CLEC17A: variants seen among roughly 807,000 people sequenced by gnomAD.
CLEC17A encodes the protein C-type lectin domain family 17, member A.
In CLEC17A, 37 loss-of-function variants were observed where a neutral mutation model predicts 61.3. That is an observed-to-expected ratio of 0.60 (90% CI 0.46 to 0.79). The LOEUF (loss-of-function observed/expected upper bound fraction) is 0.79. Among genes scored for constraint, CLEC17A ranks in the 30% least tolerant of loss-of-function variants. The probability of loss-of-function intolerance (pLI) is 0.00; values close to 1 mark genes in which losing one functional copy is unlikely to be tolerated. For synonymous variants in CLEC17A, 168 were observed against 164.9 expected (o/e 1.02, Z -0.14); for missense variants, 418 against 464.7 (o/e 0.90, Z 0.92).
rs1188371458 is a variant in CLEC17A at position 14,600,258 on chromosome 19, C to A, written c.894+76C>A. On this transcript the variant is annotated intron_variant, in intron 12 of 13. Coordinates refer to ENST00000417570, the MANE Select transcript of CLEC17A (RefSeq NM_001204118.2). Reference sequence around the variant, plus strand: ...TCTTCCAGGATGCACACATCCCTCCCTTCCCTGGATGGCAAGAAATTAGAA... The same window carrying A: ...TCTTCCAGGATGCACACATCCCTCCATTCCCTGGATGGCAAGAAATTAGAA... 4.6e-6 allele frequency: 7 copies of A among 1,528,860 alleles called. 1 individual carries two copies. The African/African-American group carries it at 9.7e-5, about 21-fold the overall frequency. 94.7% of individuals were successfully genotyped at this position (1,528,860 alleles called of 1,614,324 possible).
At position 14,599,897 on chromosome 19, in the gene CLEC17A, T is replaced by G. The variant is rs940297641; in HGVS notation, c.742+85T>G. 4.0e-6 allele frequency: 6 copies of G among 1,488,316 alleles called. No homozygotes were observed. In the African/African-American group the frequency reaches 8.3e-5, roughly 20 times the overall value. The allele number at this position is 1,488,316 out of a possible 1,614,324, so 92.2% of individuals were successfully genotyped here. A position where few individuals can be genotyped will look rare whatever the true frequency, so the allele number is the denominator to read the frequency against. ...ATCACTCCATTGAAGTCATTCTCAG[T>G]GCAGTCTATGTGAATGGTGCCCCTC... On this transcript the variant is annotated intron_variant, in intron 11 of 13. Transcript: ENST00000417570.
intron 8 of CLEC17A, among the ~76,000 whole-genome samples, 157 bp from the exon 9 acceptor site, chr19:14,596,719 G>A (rs528001087): frequency 1.3e-5 from 2 of 152,234 alleles, no homozygotes; most frequent in South Asian, 4.1e-4. Flanking sequence ...GCCTCCCCAG[G>A]GTTCACTCTC....
chr19:14,586,020 T>C (rs1333014075), intron 2 of CLEC17A, among the ~76,000 whole-genome samples: 1 of 152,196 alleles, frequency 6.6e-6, no homozygotes, highest in African/African-American at 2.4e-5. Flanking sequence ...ATGACCTCTC[T>C]ACATTAGCTT....
chr19:14,592,438 C>T (rs2074443355), intron 4 of CLEC17A, 80 bp downstream of exon 4: 1 of 1,585,130 alleles, frequency 6.3e-7, no homozygotes, highest in South Asian at 1.1e-5. Context: ...GCATTGTAGA[C>T]ACACAGTCAG....
At position 14,595,118 on chromosome 19, in the gene CLEC17A, C is replaced by A. The variant is rs574067181; in HGVS notation, c.404-156C>A. Among the ~76,000 whole-genome samples, 3 of 152,318 alleles carry A rather than the reference C, an allele frequency of 2.0e-5. No individual in the cohort carries two copies. In the East Asian group the frequency reaches 5.8e-4, roughly 29 times the overall value. On this transcript the variant is annotated intron_variant, in intron 7 of 13. Transcript: ENST00000417570. ...AACTCCTGACCTCAGGTGATCCACC[C>A]GCCTCAGCCTCCGACAGTGCTGGAA...
intron 4 of CLEC17A, among the ~76,000 whole-genome samples, chr19:14,593,478 C>T (rs1022215084): frequency 6.6e-6 from 1 of 151,810 alleles, no homozygotes; most frequent in African/African-American, 2.4e-5. Context: ...AAACCCCCAG[C>T]TATATGAAAA....
chr19:14,587,263 T>TGTGTGTG (rs71733825), intron 2 of CLEC17A, among the ~76,000 whole-genome samples: 4,627 of 136,328 alleles, frequency 0.034, 105 homozygotes, highest in South Asian at 0.058. Context: ...GTGTGTGTGT[T>TGTGTGTG]TGTGTTTGTG....
chr19:14,584,196 T>C (rs2146657878), intron 2 of CLEC17A: 1 of 152,134 alleles, frequency 6.6e-6, no homozygotes, highest in South Asian at 2.1e-4. Context: ...AACTAGGCGA[T>C]CGGGCGTCTG....
intron 12 of CLEC17A, among the ~76,000 whole-genome samples, chr19:14,600,757 T>C (rs961399066): frequency 1.3e-5 from 2 of 151,618 alleles, no homozygotes; most frequent in African/African-American, 2.4e-5. Flanking sequence ...AATTTTGTTT[T>C]TGTATTTTTA....
chr19:14,608,628 A>ATTT (rs71166765), intron 13 of CLEC17A, among the ~76,000 whole-genome samples: 54 of 119,706 alleles, frequency 4.5e-4, no homozygotes, highest in Non-Finnish European at 5.3e-4. Flanking sequence ...ATGAGGAAGA[A>ATTT]TTTTTTTTTT....
In CLEC17A at chr19:14,591,556, CT is replaced by C. The variant is rs143983644; in HGVS notation, c.200-710del. 1.7e-3 allele frequency among the ~76,000 whole-genome samples: 226 copies of C among 136,758 alleles called. 2 individuals are homozygous for C. The South Asian group carries it at 0.018, about 11-fold the overall frequency. 89.7% of individuals were successfully genotyped at this position (136,758 alleles called of 152,430 possible). ...GCTATTGTCATTGTTTCTCCTTCCT[CT>C]TTTTTTTTTTTTTTGAGACAGAATC... On this transcript the variant is annotated intron_variant, in intron 3 of 13. Transcript: ENST00000417570.
Position 14,592,295 on chromosome 19 carries a change from G to C in CLEC17A, c.214G>C (p.Glu72Gln), listed in dbSNP as rs967125043. ...LPPKPGTMEE[E>Q]EEDDDYENST... The stretch of plus-strand genomic sequence containing the variant: ...TCCCCTGGAAGGGACCATGGAGGAG[G>C]AGGAGGAGGATGATGACTATGAGAA... The change falls in exon 4 of 14, where the codon GAG becomes CAG. Residue 72 changes from glutamate (E) to glutamine (Q), a missense_variant. Coordinates refer to ENST00000417570, the MANE Select transcript of CLEC17A (RefSeq NM_001204118.2). The C allele has an allele frequency of 6.3e-7, 1 of 1,599,446 alleles. No homozygotes were observed. The highest frequency in any genetic ancestry group is 8.5e-7 in the Non-Finnish European group (1 of 1,173,218).
At chr19:14,607,553 A>ATTT in intron 13 of CLEC17A, among the ~76,000 whole-genome samples, 1 of 93,572 alleles carries the variant, frequency 1.1e-5, no homozygotes, top group African/African-American at 3.1e-5. Context: ...TTATTTTATT[A>ATTT]TTTATTTATT....
At position 14,611,723 on chromosome 19, in the gene CLEC17A, C is replaced by T. The variant is rs1201251792; in HGVS notation, c.*1527C>T. 9.9e-5 allele frequency among the ~76,000 whole-genome samples: 15 copies of T among 152,100 alleles called. No homozygotes were observed. Among genetic ancestry groups the T allele is most frequent in the Admixed American group, 7.9e-4 (12 of 15,254 alleles). Reference sequence around the variant, plus strand: ...TGATGATATAATTCACTTTACTTGCCAGGCACAGTGGCTCACGCCTGTAAT... The same window carrying T: ...TGATGATATAATTCACTTTACTTGCTAGGCACAGTGGCTCACGCCTGTAAT... On this transcript the variant is annotated 3_prime_UTR_variant, in exon 14 of 14. Coordinates refer to ENST00000417570, the MANE Select transcript of CLEC17A (RefSeq NM_001204118.2).
rs1568466178 is a variant in CLEC17A at position 14,610,393 on chromosome 19, G to C, written c.*197G>C. ...AGAGTGAGGACTTGGGCTTGCCCTA[G>C]TAGATGGTGAGCTGGGAGGATGCTC... On this transcript the variant is annotated 3_prime_UTR_variant, in exon 14 of 14. Coordinates refer to ENST00000417570, the MANE Select transcript of CLEC17A (RefSeq NM_001204118.2). The C allele has an allele frequency of 1.5e-6, 1 of 666,366 alleles. No individual in the cohort carries two copies. The allele number at this position is 666,366 out of a possible 1,614,324, so 41.3% of individuals were successfully genotyped here.
Position 14,583,099 on chromosome 19 carries a change from AG to A in CLEC17A, c.-61del. ...GAGAGCCCCCAGACGCCTGAGTCGG[AG>A]AGACAGGGGGCAGAGGTTGCCAAGC... On this transcript the variant is annotated 5_prime_UTR_variant, in exon 1 of 14. Coordinates refer to ENST00000417570, the MANE Select transcript of CLEC17A (RefSeq NM_001204118.2). 3.2e-6 allele frequency: 5 copies of A among 1,586,028 alleles called. No individual in the cohort carries two copies. The highest frequency in any genetic ancestry group is 4.3e-6 in the Non-Finnish European group (5 of 1,156,726).
chr19:14,593,279 G>A (rs781047565), intron 4 of CLEC17A, among the ~76,000 whole-genome samples: 4 of 148,144 alleles, frequency 2.7e-5, no homozygotes, highest in Non-Finnish European at 5.9e-5. Context: ...GTTCACTGGA[G>A]GCCAGGAGTT....
intron 13 of CLEC17A, among the ~76,000 whole-genome samples, chr19:14,609,811 C>T (rs1194655433): frequency 1.3e-5 from 2 of 150,676 alleles, no homozygotes; most frequent in South Asian, 2.1e-4. Flanking sequence ...GCACTCCAGC[C>T]TCAGCGACAG....
Position 14,611,303 on chromosome 19 carries a change from G to C in CLEC17A, c.*1107G>C, listed in dbSNP as rs561868146. On this transcript the variant is annotated 3_prime_UTR_variant, in exon 14 of 14. Coordinates refer to ENST00000417570, the MANE Select transcript of CLEC17A (RefSeq NM_001204118.2). ...CAGCAACTTTCTCAATGTCTTGGGT[G>C]AGGTTTGCACAAGCTAAGTGGCAGA... is the stretch of plus-strand genomic sequence containing the variant. The C allele has an allele frequency of 6.6e-6, 1 of 150,902 alleles. No individual in the cohort carries two copies. The highest frequency in any genetic ancestry group is 2.4e-5 in the African/African-American group (1 of 41,132). The allele number at this position is 150,902 out of a possible 1,614,324, so 9.3% of individuals were successfully genotyped here.
Sources: gnomAD v4.1 joint callset for allele counts (sites outside exome capture counted in the v4.1 genomes callset) on GRCh38, gnomAD v4.1.1 for gene constraint, MANE v1.5 for transcripts, NCBI Gene and HGNC (gene_info 2026-07-23, HGNC 2026-07-21) for gene names.